Variants in NSMCE2 observed in about 807,000 individuals in gnomAD.
NSMCE2 encodes the protein E3 SUMO-protein ligase NSE2.
In NSMCE2, 24 loss-of-function variants were observed where a neutral mutation model predicts 23.8. The observed-to-expected ratio is 1.01, with a 90% CI of 0.73 to 1.42. The LOEUF (loss-of-function observed/expected upper bound fraction) is 1.42. Among genes scored for constraint, NSMCE2 ranks in the 40% most tolerant of loss-of-function variants. The pLI is 0.00. For missense variants in NSMCE2, 284 were observed against 296.5 expected, an observed-to-expected ratio of 0.96 and a Z score of 0.31; for synonymous variants, 92 against 94.1, an observed-to-expected ratio of 0.98 and a Z score of 0.13.
At chr8:125,196,464 G>A (rs1823626023) in intron 5 of NSMCE2, among the ~76,000 whole-genome samples, 1 of 152,046 alleles carries the variant, frequency 6.6e-6, no homozygotes. Context: ...TTGGTTTCCT[G>A]TCCTTCTGAT....
chr8:125,189,010 CAT>C (rs1370599443), intron 5 of NSMCE2, among the ~76,000 whole-genome samples: 1 of 152,234 alleles, frequency 6.6e-6, no homozygotes, highest in African/African-American at 2.4e-5. Flanking sequence ...TTCCTAGAAA[CAT>C]ATTGAGTGCA....
chr8:125,346,756 G>C (rs116680659), intron 5 of NSMCE2, among the ~76,000 whole-genome samples: 1 of 152,072 alleles, frequency 6.6e-6, no homozygotes, highest in Admixed American at 6.6e-5. Flanking sequence ...CTTAACTGAC[G>C]ATTTTTGTCC....
rs200860351 is a variant in NSMCE2, at chr8:125,357,780, C to T, written c.588C>T (p.Arg196=). 18 of 1,614,060 alleles carry T rather than the reference C, an allele frequency of 1.1e-5. No individual in the cohort carries two copies. The East Asian group carries it at 3.3e-4, about 30-fold the overall frequency. ...GHTYEEDAIV[R]MIESRQKRKK... is the part of the protein sequence containing the mutation. ...CCTATGAAGAGGACGCCATTGTTCG[C>T]ATGATTGAGTCCAGGCAAAAGCGGA... Residue 196 remains arginine, a synonymous_variant, in exon 7 of 8, where the codon CGC becomes CGT. Transcript: ENST00000287437.
rs1247013702 is a variant in NSMCE2, at chr8:125,280,206, A to G, written c.419-77013A>G. Among the ~76,000 whole-genome samples the G allele has an allele frequency of 2.6e-5, 4 of 152,328 alleles. No individual in the cohort carries two copies. In the East Asian group the frequency reaches 7.7e-4, roughly 29 times the overall value. ...AACGTGGATAATATGAGCTAGTTAGAAGAGTTACAACTCCCTCTTCCCTGC... is the reference window on the plus strand; with the variant it reads ...AACGTGGATAATATGAGCTAGTTAGGAGAGTTACAACTCCCTCTTCCCTGC... On this transcript the variant is annotated intron_variant, in intron 5 of 7. Transcript: ENST00000287437.
intron 5 of NSMCE2, among the ~76,000 whole-genome samples, chr8:125,201,498 C>T (rs1444606868): frequency 2.0e-5 from 3 of 152,204 alleles, no homozygotes; most frequent in Admixed American, 6.5e-5. Flanking sequence ...GTATCACCAG[C>T]GGAGGCTGCA....
intron 3 of NSMCE2, among the ~76,000 whole-genome samples, chr8:125,138,510 G>A (rs1820188614): frequency 6.6e-6 from 1 of 152,118 alleles, no homozygotes; most frequent in South Asian, 2.1e-4. Flanking sequence ...ACAGATGTGA[G>A]CCACTGTGCC....
chr8:125,283,332 G>C (rs1827768177), intron 5 of NSMCE2, among the ~76,000 whole-genome samples: 1 of 151,990 alleles, frequency 6.6e-6, no homozygotes, highest in Non-Finnish European at 1.5e-5. Context: ...GTGATCACTT[G>C]AGTCCAGGAG....
intron 5 of NSMCE2, among the ~76,000 whole-genome samples, chr8:125,213,534 C>CCTCTT (rs1460650431): frequency 7.4e-6 from 1 of 134,886 alleles, no homozygotes; most frequent in African/African-American, 2.7e-5. Context: ...CCTCTCCTCT[C>CCTCTT]CTCTCCCCTC....
chr8:125,295,717 T>C (rs1406627434), intron 5 of NSMCE2, among the ~76,000 whole-genome samples: 1 of 152,178 alleles, frequency 6.6e-6, no homozygotes, highest in Non-Finnish European at 1.5e-5. Context: ...TGGGGAATAG[T>C]TGGAAGGAAT....
intron 5 of NSMCE2, among the ~76,000 whole-genome samples, chr8:125,314,176 C>A (rs1829083766): frequency 6.6e-6 from 1 of 152,166 alleles, no homozygotes; most frequent in African/African-American, 2.4e-5. Context: ...AGCAGCAGGC[C>A]AATTCCTCCC....
intron 4 of NSMCE2, among the ~76,000 whole-genome samples, chr8:125,163,530 G>A (rs1016329634): frequency 6.6e-6 from 1 of 152,146 alleles, no homozygotes; most frequent in African/African-American, 2.4e-5. Context: ...TTCTAAAATG[G>A]GGTAATAATA....
At chr8:125,146,147 A>C (rs796744555) in intron 3 of NSMCE2, among the ~76,000 whole-genome samples, 4 of 152,264 alleles carry the variant, frequency 2.6e-5, no homozygotes, top group African/African-American at 9.6e-5. Flanking sequence ...CAGATTGCCA[A>C]CGGAGCTGAG....
intron 4 of NSMCE2, among the ~76,000 whole-genome samples, chr8:125,157,708 A>G (rs535759324): frequency 2.0e-5 from 3 of 152,314 alleles, no homozygotes; most frequent in South Asian, 4.1e-4. Context: ...ATAGGTGAAG[A>G]TATGTTATAT....
Position 125,142,786 on chromosome 8 carries a change from T to A in NSMCE2, c.158-8385T>A, listed in dbSNP as rs184964374. Among the ~76,000 whole-genome samples, 12 of 141,978 alleles carry A rather than the reference T, an allele frequency of 8.5e-5. No homozygotes were observed. In the East Asian group the frequency reaches 2.5e-3, roughly 30 times the overall value. 93.1% of individuals were successfully genotyped at this position (141,978 alleles called of 152,430 possible). A position where few individuals can be genotyped will look rare whatever the true frequency, so the allele number is the denominator to read the frequency against. On this transcript the variant is annotated intron_variant, in intron 3 of 7. Transcript: ENST00000287437. ...TGCCTGGCTAATTTTGTATTTTTAGTAGAGACGGTTTCTCCATGTTGGTCA... is the reference window on the plus strand; with the variant it reads ...TGCCTGGCTAATTTTGTATTTTTAGAAGAGACGGTTTCTCCATGTTGGTCA...
chr8:125,350,164 G>A (rs994659572), intron 5 of NSMCE2, among the ~76,000 whole-genome samples: 2 of 152,188 alleles, frequency 1.3e-5, no homozygotes, highest in East Asian at 3.8e-4. Flanking sequence ...CGAGGGAGGG[G>A]GAGTGGAGAA....
chr8:125,199,876 TATATTTAGAA>T (rs1347073487), intron 5 of NSMCE2, among the ~76,000 whole-genome samples: 1 of 152,220 alleles, frequency 6.6e-6, no homozygotes, highest in African/African-American at 2.4e-5. Context: ...TGGGTGCATA[TATATTTAGAA>T]TGGTTAGCTC....
At chr8:125,328,683 GA>G (rs1250841799) in intron 5 of NSMCE2, among the ~76,000 whole-genome samples, 5 of 152,164 alleles carry the variant, frequency 3.3e-5, no homozygotes, top group Non-Finnish European at 7.3e-5. Flanking sequence ...TTTCTGGCAT[GA>G]ATCAGTGATT....
chr8:125,109,123 T>A (rs926643224), intron 3 of NSMCE2, among the ~76,000 whole-genome samples: 1 of 152,224 alleles, frequency 6.6e-6, no homozygotes, highest in African/African-American at 2.4e-5. Flanking sequence ...TTGTGTGCTA[T>A]GTATCTTATA....
intron 5 of NSMCE2, among the ~76,000 whole-genome samples, chr8:125,320,910 G>A (rs1037891150): frequency 2.0e-5 from 3 of 152,156 alleles, no homozygotes; most frequent in Admixed American, 6.5e-5. Flanking sequence ...CAGCTTCTGC[G>A]GAGGCCTCAG....
Sources: allele counts gnomAD v4.1 joint callset (sites outside exome capture counted in the v4.1 genomes callset), GRCh38; gene constraint gnomAD v4.1.1; transcripts MANE v1.5; gene names NCBI Gene and HGNC (gene_info 2026-07-23, HGNC 2026-07-21).